CEBPB: variants seen among roughly 807,000 people sequenced by gnomAD.
CEBPB encodes CCAAT/enhancer-binding protein beta.
For missense variants in CEBPB, 498 were observed against 533.1 expected, an observed-to-expected ratio of 0.93 and a Z score of 0.65; for synonymous variants, 295 against 267.1, an observed-to-expected ratio of 1.10 and a Z score of -1.02.
chr20:50,190,898 C>A lies in CEBPB; in HGVS notation c.-136C>A. 8.5e-7 allele frequency: 1 copy of A among 1,177,922 alleles called. No individual in the cohort carries two copies. Among genetic ancestry groups the A allele is most frequent in the Non-Finnish European group, 1.1e-6 (1 of 911,516 alleles). 73.0% of individuals were successfully genotyped at this position (1,177,922 alleles called of 1,614,324 possible). A position where few individuals can be genotyped will look rare whatever the true frequency, so the allele number is the denominator to read the frequency against. ...GAGGGTCCAGCCACCAGCCCCCTCA[C>A]TAATAGCGGCCACCCCGGCAGCGGC... On this transcript the variant is annotated 5_prime_UTR_variant, in exon 1 of 1. Transcript: ENST00000303004.
At position 50,190,924 on chromosome 20, in the gene CEBPB, G is replaced by GGCA. The variant is rs1378422143; in HGVS notation, c.-98_-96dup. 22 of 1,302,836 alleles carry GGCA rather than the reference G, an allele frequency of 1.7e-5. No homozygotes were observed. In the Middle Eastern group the frequency reaches 8.7e-4, roughly 52 times the overall value. 80.7% of individuals were successfully genotyped at this position (1,302,836 alleles called of 1,614,324 possible). On this transcript the variant is annotated 5_prime_UTR_variant, in exon 1 of 1. Coordinates refer to ENST00000303004, the MANE Select transcript of CEBPB (RefSeq NM_005194.4). ...TAATAGCGGCCACCCCGGCAGCGGC[G>GGCA]GCAGCAGCAGCAGCGACGCAGCGGC...
At position 50,191,167 on chromosome 20, in the gene CEBPB, C is replaced by T. The variant is rs1490452851; in HGVS notation, c.134C>T (p.Ala45Val). The T allele has an allele frequency of 2.0e-6, 3 of 1,468,832 alleles. 1 individual carries two copies. Among genetic ancestry groups the T allele is most frequent in the Middle Eastern group, 4.6e-4 (2 of 4,318 alleles). 91.0% of individuals were successfully genotyped at this position (1,468,832 alleles called of 1,614,324 possible). Residue 45 changes from alanine (A) to valine (V), a missense_variant, in exon 1 of 1, where the codon GCC (alanine) becomes GTC (valine). Ala to Val is a moderately conservative substitution (Grantham distance 64, BLOSUM62 0). Coordinates refer to ENST00000303004, the MANE Select transcript of CEBPB (RefSeq NM_005194.4). ...GCTGCTGCGTACGGCGGCAAGGCGG[C>T]CCCCGCGGCGCCCCCCGCGGCCAGA... ...CLAAAYGGKA[A>V]PAAPPAARPG...
Position 50,191,865 on chromosome 20 carries a change from C to T in CEBPB, c.832C>T (p.Arg278Cys). The T allele has an allele frequency of 6.2e-7, 1 of 1,610,744 alleles. No individual in the cohort carries two copies. The highest frequency in any genetic ancestry group is 8.5e-7 in the Non-Finnish European group (1 of 1,178,712). The change falls in exon 1 of 1, where the codon CGC (arginine) becomes TGC (cysteine). Residue 278 changes from arginine (R) to cysteine (C), a missense_variant. Arg to Cys is a radical substitution (Grantham distance 180). Coordinates refer to ENST00000303004, the MANE Select transcript of CEBPB (RefSeq NM_005194.4). Reference sequence around the variant, plus strand: ...GCACAGCGACGAGTACAAGATCCGGCGCGAGCGCAACAACATCGCCGTGCG... The same window carrying T: ...GCACAGCGACGAGTACAAGATCCGGTGCGAGCGCAACAACATCGCCGTGCG... Reference protein sequence around the residue: ...DKHSDEYKIRRERNNIAVRKS... With the variant: ...DKHSDEYKIRCERNNIAVRKS...
chr20:50,191,028 G>A lies in CEBPB; in HGVS notation c.-6G>A, dbSNP rs913752098. 4 of 1,520,460 alleles carry A rather than the reference G, an allele frequency of 2.6e-6. No homozygotes were observed. Among genetic ancestry groups the A allele is most frequent in the Non-Finnish European group, 3.5e-6 (4 of 1,141,956 alleles). The allele number at this position is 1,520,460 out of a possible 1,614,324, so 94.2% of individuals were successfully genotyped here. A position where few individuals can be genotyped will look rare whatever the true frequency, so the allele number is the denominator to read the frequency against. On this transcript the variant is annotated 5_prime_UTR_variant, in exon 1 of 1. Coordinates refer to ENST00000303004, the MANE Select transcript of CEBPB (RefSeq NM_005194.4). ...CCCCAGGCCCCCTCCCCGGGCACCC[G>A]CGTTCATGCAACGCCTGGTGGCCTG...
rs2081578108 is a variant in CEBPB, at chr20:50,191,556, G to A, written c.523G>A (p.Ala175Thr). 6.7e-6 allele frequency: 9 copies of A among 1,336,220 alleles called. No homozygotes were observed. The South Asian group carries it at 1.6e-4, about 24-fold the overall frequency. 82.8% of individuals were successfully genotyped at this position (1,336,220 alleles called of 1,614,324 possible). ...GCCGCCGCCGCCCGCCGAGCTCAAG[G>A]CGGAGCCGGGCTTCGAGCCCGCGGA... ...PPPPPPAELK[A>T]EPGFEPADCK... Residue 175 changes from alanine to threonine, a missense_variant, in exon 1 of 1, where the codon GCG becomes ACG. Coordinates refer to ENST00000303004, the MANE Select transcript of CEBPB (RefSeq NM_005194.4).
chr20:50,192,140 TCGCCCC>T lies in CEBPB; in HGVS notation c.*78_*83del. ...CCGGGGAGCGCCCGCGCCCGCGCCC[TCGCCCC>T]CGCCCCCGGCGGCGCCGGCAAAACT... On this transcript the variant is annotated 3_prime_UTR_variant, in exon 1 of 1. Transcript: ENST00000303004. 1 of 1,240,540 alleles carries T rather than the reference TCGCCCC, an allele frequency of 8.1e-7. No homozygotes were observed. Among genetic ancestry groups the T allele is most frequent in the South Asian group, 3.3e-5 (1 of 30,408 alleles). 76.8% of individuals were successfully genotyped at this position (1,240,540 alleles called of 1,614,324 possible).
Position 50,191,151 on chromosome 20 carries a change from T to C in CEBPB, c.118T>C (p.Tyr40His). ...YYEADCLAAA[Y>H]GGKAAPAAPP... ...CGAGGCGGACTGCTTGGCTGCTGCG[T>C]ACGGCGGCAAGGCGGCCCCCGCGGC... The change falls in exon 1 of 1, where the codon TAC (tyrosine) becomes CAC (histidine). Residue 40 changes from tyrosine to histidine, a missense_variant. Coordinates refer to ENST00000303004, the MANE Select transcript of CEBPB (RefSeq NM_005194.4). 1 of 1,512,716 alleles carries C rather than the reference T, an allele frequency of 6.6e-7. No homozygotes were observed. Among genetic ancestry groups the C allele is most frequent in the Non-Finnish European group, 8.8e-7 (1 of 1,134,580 alleles). The allele number at this position is 1,512,716 out of a possible 1,614,324, so 93.7% of individuals were successfully genotyped here.
Position 50,191,525 on chromosome 20 carries a change from C to CCCG in CEBPB, c.507_509dup (p.Pro170dup), listed in dbSNP as rs752166221. On this transcript the variant is annotated inframe_insertion, in exon 1 of 1. Coordinates refer to ENST00000303004, the MANE Select transcript of CEBPB (RefSeq NM_005194.4). ...GCTTCGCGCCCCTGCACCCACCGCC[C>CCCG]CCGCCGCCGCCGCCGCCCGCCGAGC... The CCCG allele has an allele frequency of 1.9e-4, 251 of 1,310,958 alleles. No individual in the cohort carries two copies. Among genetic ancestry groups the CCCG allele is most frequent in the East Asian group, 6.9e-4 (21 of 30,628 alleles). 81.2% of individuals were successfully genotyped at this position (1,310,958 alleles called of 1,614,324 possible). A position where few individuals can be genotyped will look rare whatever the true frequency, so the allele number is the denominator to read the frequency against.
chr20:50,192,273 G>A lies in CEBPB; in HGVS notation c.*202G>A. ...TTTGTCCAAACCAACCGCACATGCA[G>A]ATGGGGCTCCCGCCCGTGGTGTTAT... On this transcript the variant is annotated 3_prime_UTR_variant, in exon 1 of 1. Transcript: ENST00000303004. The A allele has an allele frequency of 4.6e-6, 1 of 219,698 alleles. No individual in the cohort carries two copies. Among genetic ancestry groups the A allele is most frequent in the Admixed American group, 5.9e-5 (1 of 16,942 alleles). The allele number at this position is 219,698 out of a possible 1,614,324, so 13.6% of individuals were successfully genotyped here.
Position 50,191,645 on chromosome 20 carries a change from G to T in CEBPB, c.612G>T (p.Pro204=). The change falls in exon 1 of 1, where the codon CCG becomes CCT. Residue 204 remains proline, a synonymous_variant. Transcript: ENST00000303004. ...GCGCAGGCATGGCGGCGGGCTTCCCGTACGCGCTGCGCGCTTACCTCGGCT... is the reference window on the plus strand; with the variant it reads ...GCGCAGGCATGGCGGCGGGCTTCCCTTACGCGCTGCGCGCTTACCTCGGCT... ...GGGAGMAAGF[P]YALRAYLGYQ... The T allele has an allele frequency of 7.2e-7, 1 of 1,391,484 alleles. No individual in the cohort carries two copies. The highest frequency in any genetic ancestry group is 9.2e-7 in the Non-Finnish European group (1 of 1,082,644). 86.2% of individuals were successfully genotyped at this position (1,391,484 alleles called of 1,614,324 possible). A position where few individuals can be genotyped will look rare whatever the true frequency, so the allele number is the denominator to read the frequency against.
At position 50,191,726 on chromosome 20, in the gene CEBPB, C is replaced by T. The variant is rs1466216757; in HGVS notation, c.693C>T (p.Ser231=). The T allele has an allele frequency of 6.6e-7, 1 of 1,515,768 alleles. No individual in the cohort carries two copies. Among genetic ancestry groups the T allele is most frequent in the Admixed American group, 2.2e-5 (1 of 45,226 alleles). The allele number at this position is 1,515,768 out of a possible 1,614,324, so 93.9% of individuals were successfully genotyped here. ...SGSLSTSSSS[S]PPGTPSPADA... is the part of the protein sequence containing the mutation. ...GCCTCTCCACGTCCTCCTCGTCCAG[C>T]CCGCCCGGCACGCCGAGCCCCGCTG... is the stretch of plus-strand genomic sequence containing the variant. The change falls in exon 1 of 1, where the codon AGC becomes AGT. Residue 231 remains serine, a synonymous_variant. Transcript: ENST00000303004.
rs2081577990 is a variant in CEBPB, at chr20:50,191,538, C to T, written c.505C>T (p.Pro169Ser). Reference protein sequence around the residue: ...PLHPPPPPPPPPAELKAEPGF... With the variant: ...PLHPPPPPPPSPAELKAEPGF... ...GCACCCACCGCCCCCGCCGCCGCCG[C>T]CGCCCGCCGAGCTCAAGGCGGAGCC... is the stretch of plus-strand genomic sequence containing the variant. The change falls in exon 1 of 1, where the codon CCG becomes TCG. Residue 169 changes from proline (P) to serine (S), a missense_variant. Coordinates refer to ENST00000303004, the MANE Select transcript of CEBPB (RefSeq NM_005194.4). 14 of 1,314,136 alleles carry T rather than the reference C, an allele frequency of 1.1e-5. No individual in the cohort carries two copies. Among genetic ancestry groups the T allele is most frequent in the Non-Finnish European group, 1.3e-5 (13 of 1,037,500 alleles). 81.4% of individuals were successfully genotyped at this position (1,314,136 alleles called of 1,614,324 possible).
In CEBPB at chr20:50,192,569, ATCTATT is replaced by A. The variant is rs2081586394; in HGVS notation, c.*504_*509del. 6.0e-6 allele frequency: 1 copy of A among 166,940 alleles called. No homozygotes were observed. 10.3% of individuals were successfully genotyped at this position (166,940 alleles called of 1,614,324 possible). ...GTCTTTTTTTGTATTATAAAAAATAATCTATTTCTATGAGAAAAGAGGCGTCTGTAT... is the reference window on the plus strand; with the variant it reads ...GTCTTTTTTTGTATTATAAAAAATAATCTATGAGAAAAGAGGCGTCTGTAT... On this transcript the variant is annotated 3_prime_UTR_variant, in exon 1 of 1. Transcript: ENST00000303004.
In CEBPB at chr20:50,192,093, C is replaced by T; in HGVS notation, c.*22C>T. On this transcript the variant is annotated 3_prime_UTR_variant, in exon 1 of 1. Coordinates refer to ENST00000303004, the MANE Select transcript of CEBPB (RefSeq NM_005194.4). ...CTAGCGCGGCCCCCGCGCGCGTCCC[C>T]CTGCCGGCCGGGGCTGAGACTCCGG... The T allele has an allele frequency of 4.0e-6, 6 of 1,492,852 alleles. No homozygotes were observed. The highest frequency in any genetic ancestry group is 5.3e-6 in the Non-Finnish European group (6 of 1,121,980). 92.5% of individuals were successfully genotyped at this position (1,492,852 alleles called of 1,614,324 possible). A position where few individuals can be genotyped will look rare whatever the true frequency, so the allele number is the denominator to read the frequency against.
At chr20:50,190,711 G>C (rs1490975274), upstream of CEBPB, 4 of 216,322 alleles carry the variant, frequency 1.8e-5, no homozygotes, top group Non-Finnish European at 3.6e-5. Context: ...GTCCTCCCGG[G>C]GGTCTCGGGC....
chr20:50,190,853 A>T lies in CEBPB; in HGVS notation c.-181A>T. On this transcript the variant is annotated 5_prime_UTR_variant, in exon 1 of 1. Coordinates refer to ENST00000303004, the MANE Select transcript of CEBPB (RefSeq NM_005194.4). ...TTAGCGAGTCAGAGCCGCGCACGGG[A>T]CTGGGAAGGGGACCCACCCGAGGGT... 1 of 620,172 alleles carries T rather than the reference A, an allele frequency of 1.6e-6. No individual in the cohort carries two copies. The highest frequency in any genetic ancestry group is 1.9e-5 in the African/African-American group (1 of 51,400). 38.4% of individuals were successfully genotyped at this position (620,172 alleles called of 1,614,324 possible). A position where few individuals can be genotyped will look rare whatever the true frequency, so the allele number is the denominator to read the frequency against.
upstream of CEBPB, chr20:50,190,745 C>A: frequency 3.7e-6 from 1 of 273,376 alleles, no homozygotes. Context: ...TCCTTCGCGT[C>A]CCGGCGGCGC....
rs1416508856 is a variant in CEBPB at position 50,191,915 on chromosome 20, G to A, written c.882G>A (p.Met294Ile). 2 of 1,613,018 alleles carry A rather than the reference G, an allele frequency of 1.2e-6. No individual in the cohort carries two copies. The highest frequency in any genetic ancestry group is 8.5e-7 in the Non-Finnish European group (1 of 1,179,664). Residue 294 changes from methionine to isoleucine, a missense_variant, in exon 1 of 1, where the codon ATG becomes ATA. Transcript: ENST00000303004. ...GCAAGAGCCGCGACAAGGCCAAGAT[G>A]CGCAACCTGGAGACGCAGCACAAGG... ...AVRKSRDKAK[M>I]RNLETQHKVL...
Position 50,191,846 on chromosome 20 carries a change from C to T in CEBPB, c.813C>T (p.Ser271=), listed in dbSNP as rs1282570052. The part of the protein sequence containing the change: ...SKAKKTVDKH[S]DEYKIRRERN... The stretch of plus-strand genomic sequence containing the variant: ...CCAAGAAGACCGTGGACAAGCACAG[C>T]GACGAGTACAAGATCCGGCGCGAGC... Residue 271 remains serine (S), a synonymous_variant, in exon 1 of 1, where the codon AGC becomes AGT. Coordinates refer to ENST00000303004, the MANE Select transcript of CEBPB (RefSeq NM_005194.4). 1.9e-6 allele frequency: 3 copies of T among 1,605,308 alleles called. No individual in the cohort carries two copies. The African/African-American group carries it at 4.0e-5, about 22-fold the overall frequency.
Sources: gnomAD v4.1 joint callset for allele counts on GRCh38, gnomAD v4.1.1 for gene constraint, MANE v1.5 for transcripts, NCBI Gene and HGNC (gene_info 2026-07-23, HGNC 2026-07-21) for gene names.